Variants in EMC1 observed in about 807,000 individuals in gnomAD.
EMC1 encodes the protein KIAA0090.
In EMC1, 103 loss-of-function variants were observed where a neutral mutation model predicts 128.8. That is an observed-to-expected ratio of 0.80 (90% CI 0.68 to 0.94). The LOEUF is 0.94. Ranked by LOEUF, EMC1 falls within the 40% of genes least tolerant of loss-of-function variation. EMC1 has a pLI of 0.00. For synonymous variants in EMC1, 442 were observed against 490.4 expected (o/e 0.90, Z 1.30); for missense variants, 1,083 against 1,250.6 (o/e 0.87, Z 2.02).
chr1:19,219,984 C>A, intron 21 of EMC1: 2 of 383,044 alleles, frequency 5.2e-6, no homozygotes, highest in East Asian at 4.8e-5. Context: ...AAGAGGAAAG[C>A]CGACCATTTT....
chr1:19,250,617 A>C (rs2093654565), intron 1 of EMC1, among the ~76,000 whole-genome samples: 1 of 152,246 alleles, frequency 6.6e-6, no homozygotes, highest in African/African-American at 2.4e-5. Flanking sequence ...ATAAAGTGTA[A>C]ATAGCAATAA....
At chr1:19,236,026 T>C (rs1244288526) in intron 12 of EMC1, among the ~76,000 whole-genome samples, 14 of 152,046 alleles carry the variant, frequency 9.2e-5, no homozygotes, top group Admixed American at 1.3e-4. Flanking sequence ...CTGGAATCAA[T>C]AGGTCAAAGG....
intron 20 of EMC1, 75 bp downstream of exon 20, chr1:19,222,549 T>C (rs1571973322): frequency 7.7e-7 from 1 of 1,293,016 alleles, no homozygotes; most frequent in Non-Finnish European, 1.1e-6. Flanking sequence ...CTGCCAGCAA[T>C]GTGTCCCTTG....
At position 19,237,138 on chromosome 1, in the gene EMC1, T is replaced by C. The variant is rs760511280; in HGVS notation, c.1309+4A>G. The C allele has an allele frequency of 6.2e-7, 1 of 1,611,628 alleles. No individual in the cohort carries two copies. The highest frequency in any genetic ancestry group is 1.1e-5 in the South Asian group (1 of 91,004). On this transcript the variant is annotated splice_donor_region_variant and intron_variant, in intron 12 of 22. Coordinates refer to ENST00000477853, the MANE Select transcript of EMC1 (RefSeq NM_015047.3). ...AAAAAATGGGTTGAATGAGGTCTAC[T>C]TACCCAACTGCTGCAGGAAAAGTAG...
At position 19,215,754 on chromosome 1, in the gene EMC1, C is replaced by T. The variant is rs909287226; in HGVS notation, c.*3549G>A. 1 of 152,216 alleles carries T rather than the reference C, an allele frequency of 6.6e-6. No homozygotes were observed. The highest frequency in any genetic ancestry group is 2.4e-5 in the African/African-American group (1 of 41,438). The allele number at this position is 152,216 out of a possible 1,614,324, so 9.4% of individuals were successfully genotyped here. On this transcript the variant is annotated 3_prime_UTR_variant, in exon 23 of 23. Coordinates refer to ENST00000477853, the MANE Select transcript of EMC1 (RefSeq NM_015047.3). Reference sequence around the variant, plus strand: ...CTGGAGTGCAGAGGCATGATCTCGGCTTACTGCAGCCTTTGCCTCCTGGGT... The same window carrying T: ...CTGGAGTGCAGAGGCATGATCTCGGTTTACTGCAGCCTTTGCCTCCTGGGT...
At chr1:19,236,910 G>A (rs1261062822) in intron 12 of EMC1, among the ~76,000 whole-genome samples, 1 of 147,572 alleles carries the variant, frequency 6.8e-6, no homozygotes, top group African/African-American at 2.5e-5. Flanking sequence ...GGAGATTGCA[G>A]TGGGCCGAGA....
chr1:19,248,294 C>A (rs2093640971), intron 1 of EMC1, among the ~76,000 whole-genome samples: 2 of 152,186 alleles, frequency 1.3e-5, no homozygotes, highest in Admixed American at 6.5e-5. Context: ...ACCTCCCAGG[C>A]TTAGGTGATC....
chr1:19,238,704 G>A (rs1488668149), intron 10 of EMC1, 91 bp downstream of exon 10: 8 of 824,734 alleles, frequency 9.7e-6, no homozygotes, highest in African/African-American at 3.4e-5. Flanking sequence ...GGAACTCTAG[G>A]ACCTGCTCCT....
intron 1 of EMC1, among the ~76,000 whole-genome samples, chr1:19,250,839 A>G (rs2093655636): frequency 6.6e-6 from 1 of 152,174 alleles, no homozygotes; most frequent in Non-Finnish European, 1.5e-5. Context: ...AACAAAAGCA[A>G]GCTACTCCAG....
rs766622318 is a variant in EMC1, at chr1:19,232,917, G to A, written c.1632+19C>T. The A allele has an allele frequency of 6.2e-7, 1 of 1,612,924 alleles. No individual in the cohort carries two copies. The highest frequency in any genetic ancestry group is 2.2e-5 in the East Asian group (1 of 44,884). ...AGAATTTGAAAAGGTTCAGTAACTG[G>A]AGCTTAAACCCCACTCACCTTGCCT... is the stretch of plus-strand genomic sequence containing the variant. On this transcript the variant is annotated intron_variant, in intron 14 of 22. Transcript: ENST00000477853.
chr1:19,225,421 G>A (rs1431648358), intron 18 of EMC1, among the ~76,000 whole-genome samples: 1 of 152,188 alleles, frequency 6.6e-6, no homozygotes, highest in Admixed American at 6.5e-5. Context: ...GGAGGCCAAG[G>A]CGGGCAGATC....
chr1:19,243,689 T>A lies in EMC1; in HGVS notation c.305A>T (p.Asn102Ile), dbSNP rs371844391. The A allele has an allele frequency of 6.2e-7, 1 of 1,614,176 alleles. No homozygotes were observed. The highest frequency in any genetic ancestry group is 8.5e-7 in the Non-Finnish European group (1 of 1,180,004). ...LHGQDVITVSNGGRIMRSWET... is the reference protein window; with the variant it reads ...LHGQDVITVSIGGRIMRSWET... ...CCAGGAACGCATGATTCGGCCTCCA[T>A]TGGACACAGTGATCACATCTGGAAA... Residue 102 changes from asparagine to isoleucine, a missense_variant, in exon 4 of 23, where the codon AAT (asparagine) becomes ATT (isoleucine). Asn to Ile is a moderately radical substitution (Grantham distance 149). Coordinates refer to ENST00000477853, the MANE Select transcript of EMC1 (RefSeq NM_015047.3).
chr1:19,227,971 C>T (rs534586237), intron 17 of EMC1, among the ~76,000 whole-genome samples: 2 of 152,140 alleles, frequency 1.3e-5, no homozygotes, highest in South Asian at 2.1e-4. Context: ...TTCGGGAGGC[C>T]GAGGCAGGTG....
At chr1:19,223,256 G>A (rs2093445795) in intron 19 of EMC1, 140 bp downstream of exon 19, 2 of 759,694 alleles carry the variant, frequency 2.6e-6, no homozygotes, top group Admixed American at 2.3e-5. Context: ...TGAGCCCAGT[G>A]CCCTAACCGG....
intron 18 of EMC1, 95 bp downstream of exon 18, chr1:19,227,218 G>T: frequency 7.2e-7 from 1 of 1,385,782 alleles, no homozygotes; most frequent in South Asian, 1.2e-5. Context: ...CTTACTCAAG[G>T]TCATATATGT....
intron 17 of EMC1, among the ~76,000 whole-genome samples, chr1:19,227,902 G>A (rs16862622): frequency 0.02 from 3,006 of 151,294 alleles, 41 homozygotes; most frequent in South Asian, 0.055. Context: ...CAGAACTCTC[G>A]GTTTGATTAA....
intron 11 of EMC1, among the ~76,000 whole-genome samples, chr1:19,237,776 G>A (rs2093576994): frequency 6.6e-6 from 1 of 152,230 alleles, no homozygotes; most frequent in South Asian, 2.1e-4. Context: ...AGTGTTTGGA[G>A]GGTTAAATCA....
Position 19,237,992 on chromosome 1 carries a change from T to C in EMC1, c.1212+25A>G, listed in dbSNP as rs1479926751. On this transcript the variant is annotated intron_variant, in intron 11 of 22. Coordinates refer to ENST00000477853, the MANE Select transcript of EMC1 (RefSeq NM_015047.3). The stretch of plus-strand genomic sequence containing the variant: ...ATGTGCTGAGAAGCCCACAGGACAG[T>C]CTGCAAAGAAAGGCTCTGCCTTACC... 1.9e-6 allele frequency: 3 copies of C among 1,610,772 alleles called. No homozygotes were observed. The East Asian group carries it at 6.7e-5, about 36-fold the overall frequency.
chr1:19,246,227 T>C (rs1475802799), intron 1 of EMC1, among the ~76,000 whole-genome samples: 1 of 151,818 alleles, frequency 6.6e-6, no homozygotes, highest in Non-Finnish European at 1.5e-5. Context: ...CCATCTCTAC[T>C]AAAAATGCAA....
Sources: gnomAD v4.1 joint callset for allele counts (sites outside exome capture counted in the v4.1 genomes callset) on GRCh38, gnomAD v4.1.1 for gene constraint, MANE v1.5 for transcripts, NCBI Gene and HGNC (gene_info 2026-07-23, HGNC 2026-07-21) for gene names.